Variants in SLC24A2 observed in about 807,000 individuals in gnomAD.
SLC24A2 encodes sodium/potassium/calcium exchanger 2.
Under a neutral mutation model 62.0 loss-of-function variants are expected in SLC24A2, and 36 were observed. The ratio of observed to expected loss-of-function variants is 0.58; its 90% CI spans 0.44 to 0.77. The LOEUF is 0.77. Ranked by LOEUF, SLC24A2 falls within the 30% of genes least tolerant of loss-of-function variation. The pLI, the probability that SLC24A2 is intolerant of heterozygous loss-of-function variation, is 0.00. For missense variants in SLC24A2, 846 were observed against 817.9 expected (o/e 1.03, Z -0.42); for synonymous variants, 358 against 294.0 (o/e 1.22, Z -2.23).
chr9:19,883,798 C>G, the SLC24A2 span, among the ~76,000 whole-genome samples: 175 of 152,214 alleles, frequency 1.1e-3, no homozygotes, highest in African/African-American at 4.1e-3. Context: ...ATCTCCTGAC[C>G]TCGTGATCCG....
At chr9:20,041,659 T>G in the SLC24A2 span, among the ~76,000 whole-genome samples, 1 of 152,184 alleles carries the variant, frequency 6.6e-6, no homozygotes, top group African/African-American at 2.4e-5. Context: ...CTCATACATA[T>G]GAAGGAAAAT....
chr9:20,150,719 T>G, the SLC24A2 span, among the ~76,000 whole-genome samples: 95,014 of 151,624 alleles, frequency 0.63, 30,353 homozygotes, highest in Non-Finnish European at 0.69. Context: ...TGAGAAATAG[T>G]AAAAATTATG....
chr9:19,781,484 G>C (rs1386541413), intron 2 of SLC24A2, among the ~76,000 whole-genome samples: 1 of 152,096 alleles, frequency 6.6e-6, no homozygotes, highest in African/African-American at 2.4e-5. Flanking sequence ...ATGGCCAAGG[G>C]CAATTTGAAC....
intron 2 of SLC24A2, among the ~76,000 whole-genome samples, chr9:19,761,122 G>A (rs150475413): frequency 1.2e-4 from 18 of 152,272 alleles, no homozygotes; most frequent in Non-Finnish European, 4.4e-5. Context: ...CAGTAAACAT[G>A]TGTGCATGTG....
the SLC24A2 span, among the ~76,000 whole-genome samples, chr9:20,058,650 T>G: frequency 6.6e-6 from 1 of 152,172 alleles, no homozygotes; most frequent in East Asian, 1.9e-4. Flanking sequence ...ATGTAGAGAC[T>G]CACGTCTGTA....
the SLC24A2 span, among the ~76,000 whole-genome samples, chr9:20,174,169 C>T: frequency 2.0e-5 from 3 of 152,120 alleles, no homozygotes; most frequent in South Asian, 6.2e-4. Context: ...AAACTAGATC[C>T]TCATCTCTCA....
At chr9:20,291,898 C>A in the SLC24A2 span, among the ~76,000 whole-genome samples, 2 of 151,890 alleles carry the variant, frequency 1.3e-5, no homozygotes, top group Non-Finnish European at 2.9e-5. Flanking sequence ...AGGAACAAGG[C>A]AGGATGCTAT....
chr9:20,033,558 T>G, the SLC24A2 span, among the ~76,000 whole-genome samples: 41 of 152,298 alleles, frequency 2.7e-4, no homozygotes, highest in African/African-American at 9.6e-4. Flanking sequence ...TTACAGAGTG[T>G]GGAGAACTGA....
the SLC24A2 span, among the ~76,000 whole-genome samples, chr9:20,073,036 A>G: frequency 8.5e-4 from 130 of 152,266 alleles, no homozygotes; most frequent in Admixed American, 2.0e-3. Context: ...TAATTTTACT[A>G]TGGTTGTATT....
At chr9:20,234,023 A>G in the SLC24A2 span, among the ~76,000 whole-genome samples, 1 of 152,188 alleles carries the variant, frequency 6.6e-6, no homozygotes, top group Non-Finnish European at 1.5e-5. Context: ...TGGGTTGAAA[A>G]TTATTTTCTT....
the SLC24A2 span, among the ~76,000 whole-genome samples, chr9:20,228,037 A>G: frequency 3.3e-5 from 5 of 152,160 alleles, no homozygotes; most frequent in African/African-American, 9.6e-5. Context: ...TCATTCTTCC[A>G]TTAAAAACAG....
At chr9:20,274,712 T>C in the SLC24A2 span, among the ~76,000 whole-genome samples, 24 of 152,120 alleles carry the variant, frequency 1.6e-4, no homozygotes, top group African/African-American at 5.3e-4. Flanking sequence ...TAATTTACAA[T>C]GATGACAGAA....
the SLC24A2 span, among the ~76,000 whole-genome samples, chr9:19,955,931 A>G: frequency 1.3e-5 from 2 of 152,232 alleles, no homozygotes; most frequent in Admixed American, 6.5e-5. Context: ...AGTTGGAATT[A>G]AATTAATCTC....
intron 2 of SLC24A2, among the ~76,000 whole-genome samples, chr9:19,654,943 T>A (rs1818903590): frequency 6.6e-6 from 1 of 152,204 alleles, no homozygotes; most frequent in Non-Finnish European, 1.5e-5. Context: ...CCTCATTTTC[T>A]CAGGTCCAAG....
chr9:19,978,283 G>A, the SLC24A2 span, among the ~76,000 whole-genome samples: 10 of 152,070 alleles, frequency 6.6e-5, no homozygotes, highest in Non-Finnish European at 1.2e-4. Flanking sequence ...TTTAGCAAAA[G>A]GACAGAGGGG....
chr9:20,160,868 A>G, the SLC24A2 span, among the ~76,000 whole-genome samples: 1 of 151,168 alleles, frequency 6.6e-6, no homozygotes, highest in South Asian at 2.1e-4. Context: ...AAAAAAAGCC[A>G]AAAGAAAACA....
At chr9:19,561,441 T>TC (rs1835397107) in intron 7 of SLC24A2, among the ~76,000 whole-genome samples, 1 of 150,130 alleles carries the variant, frequency 6.7e-6, no homozygotes, top group Non-Finnish European at 1.5e-5. Context: ...ACAGACTTTT[T>TC]TTTTTTTTTT....
chr9:20,000,107 T>A, the SLC24A2 span, among the ~76,000 whole-genome samples: 1 of 151,942 alleles, frequency 6.6e-6, no homozygotes, highest in South Asian at 2.1e-4. Context: ...TTTCTCTGAT[T>A]TACTATTTTT....
At chr9:20,095,313 T>G in the SLC24A2 span, among the ~76,000 whole-genome samples, 2 of 152,248 alleles carry the variant, frequency 1.3e-5, no homozygotes, top group African/African-American at 4.8e-5. Flanking sequence ...GAACCTGTGA[T>G]GGTTAATTTT....
Sources: gnomAD v4.1 joint callset for allele counts (sites outside exome capture counted in the v4.1 genomes callset) on GRCh38, gnomAD v4.1.1 for gene constraint, MANE v1.5 for transcripts, NCBI Gene and HGNC (gene_info 2026-07-23, HGNC 2026-07-21) for gene names.